CDH23: variants seen among roughly 807,000 people sequenced by gnomAD.
CDH23 encodes the protein cadherin related 23, also known as cadherin-23.
A neutral mutation model predicts 317.1 loss-of-function variants in CDH23; 189 were observed. The observed-to-expected ratio is 0.60, with a 90% CI of 0.53 to 0.67. The LOEUF is 0.67. Ranked by LOEUF, CDH23 falls within the 30% of genes least tolerant of loss-of-function variation. The probability of loss-of-function intolerance (pLI) is 0.00; values close to 1 mark genes in which losing one functional copy is unlikely to be tolerated. For missense variants in CDH23, 4,401 were observed against 4,592.4 expected, an observed-to-expected ratio of 0.96 and a Z score of 1.20; for synonymous variants, 1,839 against 1,876.8, an observed-to-expected ratio of 0.98 and a Z score of 0.52.
rs767014407 is a variant in CDH23, at chr10:71,807,550, C to T, written c.8343C>T (p.Pro2781=). The T allele has an allele frequency of 9.3e-6, 15 of 1,613,964 alleles. No homozygotes were observed. Among genetic ancestry groups the T allele is most frequent in the Admixed American group, 3.3e-5 (2 of 60,030 alleles). ...GNEEKNFHLQ[P]DGCLLVLRDL... is the part of the protein sequence containing the mutation. ...AAGAGAAGAACTTCCATCTGCAGCC[C>T]GATGGGTGTCTGCTGGTGCTGCGGG... Residue 2781 remains proline (P), a synonymous_variant, in exon 59 of 70, where the codon CCC becomes CCT. Transcript: ENST00000224721.
chr10:71,534,745 A>G (rs567805056), intron 6 of CDH23, among the ~76,000 whole-genome samples: 6 of 152,282 alleles, frequency 3.9e-5, no homozygotes, highest in Admixed American at 6.5e-5. Context: ...CTCTGTTCTG[A>G]GAATGGCAGT....
At chr10:71,666,152 C>T (rs547779177) in intron 14 of CDH23, among the ~76,000 whole-genome samples, 7 of 152,214 alleles carry the variant, frequency 4.6e-5, no homozygotes, top group Non-Finnish European at 8.8e-5. Context: ...CACTGCTCTC[C>T]TGCTTGGTCC....
chr10:71,577,659 A>G (rs1490291354), intron 8 of CDH23, among the ~76,000 whole-genome samples: 2 of 152,234 alleles, frequency 1.3e-5, no homozygotes, highest in Non-Finnish European at 2.9e-5. Flanking sequence ...GTCCATTTGA[A>G]TAAGGGATAT....
intron 9 of CDH23, among the ~76,000 whole-genome samples, chr10:71,597,504 G>A (rs1859939467): frequency 6.6e-6 from 1 of 152,120 alleles, no homozygotes; most frequent in Admixed American, 6.5e-5. Context: ...GTACAGGGCT[G>A]TCAAGGACAG....
At chr10:71,687,776 G>A (rs1450743119) in intron 19 of CDH23, 57 bp downstream of exon 19, 13 of 1,527,074 alleles carry the variant, frequency 8.5e-6, no homozygotes, top group Admixed American at 6.9e-5. Flanking sequence ...CAGCAGTCAC[G>A]GCACCCAGGA....
intron 23 of CDH23, 92 bp downstream of exon 23, chr10:71,702,303 G>C: frequency 7.2e-7 from 1 of 1,389,450 alleles, no homozygotes; most frequent in Non-Finnish European, 1.0e-6. Context: ...GGCCCACCCA[G>C]GAGGTCTATG....
intron 3 of CDH23, among the ~76,000 whole-genome samples, chr10:71,493,211 G>A (rs1435272018): frequency 6.6e-6 from 1 of 152,166 alleles, no homozygotes; most frequent in African/African-American, 2.4e-5. Context: ...TATGATCCCA[G>A]GTGCTCAGGA....
At chr10:71,709,034 T>A (rs995305479) in intron 26 of CDH23, 64 bp from the exon 27 acceptor site, 1 of 1,446,972 alleles carries the variant, frequency 6.9e-7, no homozygotes, top group African/African-American at 1.4e-5. Context: ...AGGAGCAGAG[T>A]CCCCGCTTCC....
Position 71,738,486 on chromosome 10 carries a change from G to T in CDH23, c.4210-12G>T. On this transcript the variant is annotated splice_polypyrimidine_tract_variant and intron_variant, in intron 34 of 69. Transcript: ENST00000224721. ...AAGGAGGCTGTAGGTCTCTGACCAC[G>T]TTCACCCTCAGGTCTACATCACTGT... is the stretch of plus-strand genomic sequence containing the variant. The T allele has an allele frequency of 1.2e-6, 2 of 1,613,892 alleles. No individual in the cohort carries two copies. The highest frequency in any genetic ancestry group is 3.3e-5 in the Admixed American group (2 of 60,028).
At chr10:71,456,928 A>C (rs1850725730) in intron 3 of CDH23, among the ~76,000 whole-genome samples, 1 of 152,224 alleles carries the variant, frequency 6.6e-6, no homozygotes, top group African/African-American at 2.4e-5. Flanking sequence ...GCACTTAACC[A>C]CAAGTCTGGG....
At chr10:71,523,259 G>T (rs1030293413) in intron 6 of CDH23, among the ~76,000 whole-genome samples, 2 of 152,180 alleles carry the variant, frequency 1.3e-5, no homozygotes, top group African/African-American at 4.8e-5. Context: ...ATCTTTAAGG[G>T]CTCCTTAGCG....
rs1849800502 is a variant in CDH23 at position 71,440,001 on chromosome 10, C to G, written c.67+103C>G. 1.5e-4 allele frequency: 129 copies of G among 881,418 alleles called. 2 individuals carry two copies. The South Asian group carries it at 1.8e-3, about 12-fold the overall frequency. The allele number at this position is 881,418 out of a possible 1,614,324, so 54.6% of individuals were successfully genotyped here. A position where few individuals can be genotyped will look rare whatever the true frequency, so the allele number is the denominator to read the frequency against. ...TGGTTCATCTTTGTGCTCTGGGACT[C>G]TGGAGACACTGTCTTACTGTGTGAC... On this transcript the variant is annotated intron_variant, in intron 2 of 69. Transcript: ENST00000224721.
chr10:71,749,538 C>G (rs979498657), intron 38 of CDH23: 3 of 152,264 alleles, frequency 2.0e-5, no homozygotes, highest in Non-Finnish European at 4.4e-5. Context: ...AAGAAGGGAC[C>G]CCCCTCTGCC....
At chr10:71,524,785 G>A (rs1302753693) in intron 6 of CDH23, among the ~76,000 whole-genome samples, 1 of 152,194 alleles carries the variant, frequency 6.6e-6, no homozygotes, top group Non-Finnish European at 1.5e-5. Flanking sequence ...CTGGCTTTGA[G>A]GATGGAGGAA....
intron 3 of CDH23, among the ~76,000 whole-genome samples, chr10:71,453,964 A>T (rs921318705): frequency 1.3e-5 from 2 of 152,232 alleles, no homozygotes; most frequent in Admixed American, 6.5e-5. Context: ...TTAGACAATA[A>T]TAAGTGCCCA....
chr10:71,421,788 ATAAAT>A (rs1026310076), intron 1 of CDH23, among the ~76,000 whole-genome samples: 1 of 152,142 alleles, frequency 6.6e-6, no homozygotes, highest in Admixed American at 6.5e-5. Flanking sequence ...AGGCTAGAAA[ATAAAT>A]TAAAAGAGGC....
intron 44 of CDH23, among the ~76,000 whole-genome samples, chr10:71,788,449 ATTTTTTCT>A (rs1176820066): frequency 6.6e-6 from 1 of 151,424 alleles, no homozygotes; most frequent in African/African-American, 2.4e-5. Flanking sequence ...AACACTAAGC[ATTTTTTCT>A]TTTTTTCTTT....
intron 6 of CDH23, among the ~76,000 whole-genome samples, chr10:71,520,597 G>C (rs1406002687): frequency 6.6e-6 from 1 of 152,364 alleles, no homozygotes. Context: ...GGTAAGGCCT[G>C]AGTGTCCAGA....
chr10:71,790,660 C>T (rs1008760390), intron 46 of CDH23: 81 of 543,232 alleles, frequency 1.5e-4, no homozygotes, highest in African/African-American at 1.0e-3. Context: ...CAGCCTGGGC[C>T]GGGAGCCCCC....
Sources: gnomAD v4.1 joint callset for allele counts (sites outside exome capture counted in the v4.1 genomes callset) on GRCh38, gnomAD v4.1.1 for gene constraint, MANE v1.5 for transcripts, NCBI Gene and HGNC (gene_info 2026-07-23, HGNC 2026-07-21) for gene names.